CDH10: variants seen among roughly 807,000 people sequenced by gnomAD.
CDH10 encodes cadherin-10.
A neutral mutation model predicts 73.1 loss-of-function variants in CDH10; 30 were observed. The observed-to-expected ratio is 0.41, with a 90% confidence interval of 0.31 to 0.56. CDH10 has a LOEUF of 0.56. CDH10 is among the 20% of genes least tolerant of loss of function. The pLI, the probability that CDH10 is intolerant of heterozygous loss-of-function variation, is 0.27. For synonymous variants in CDH10, 345 were observed against 348.2 expected (o/e 0.99, Z 0.10); for missense variants, 815 against 973.7 (o/e 0.84, Z 2.17).
intron 1 of CDH10, among the ~76,000 whole-genome samples, chr5:24,608,937 C>T (rs1250755878): frequency 6.6e-6 from 1 of 152,176 alleles, no homozygotes; most frequent in African/African-American, 2.4e-5. Flanking sequence ...CCCCAATTAA[C>T]TTAACATTAT....
At chr5:24,573,664 G>A (rs1745483654) in intron 2 of CDH10, among the ~76,000 whole-genome samples, 1 of 145,668 alleles carries the variant, frequency 6.9e-6, no homozygotes, top group Admixed American at 6.9e-5. Flanking sequence ...TCGCGCCACT[G>A]CAGTCCAGCC....
At chr5:24,498,714 G>A (rs1255369822) in intron 8 of CDH10, among the ~76,000 whole-genome samples, 195 bp from the exon 9 acceptor site, 1 of 152,060 alleles carries the variant, frequency 6.6e-6, no homozygotes, top group African/African-American at 2.4e-5. Flanking sequence ...AGTTATTATT[G>A]GGCACAAGGG....
intron 2 of CDH10, among the ~76,000 whole-genome samples, chr5:24,544,604 T>C (rs144761204): frequency 7.9e-4 from 120 of 152,284 alleles, no homozygotes; most frequent in African/African-American, 2.7e-3. Flanking sequence ...GGGATTCCTC[T>C]TTCCCATTTA....
rs138669971 is a variant in CDH10 at position 24,545,021 on chromosome 5, C to T, written c.232-7347G>A. Among the ~76,000 whole-genome samples, 584 of 152,152 alleles carry T rather than the reference C, an allele frequency of 3.8e-3. 11 individuals are homozygous for T. Among genetic ancestry groups the T allele is most frequent in the East Asian group, 0.019 (100 of 5,174 alleles). On this transcript the variant is annotated intron_variant, in intron 2 of 11. Transcript: ENST00000264463. ...AATTTAAGTACTTAAGTTAACGAAC[C>T]CTCCTTCTAAGTTCTTAAGTGGTAT...
chr5:24,626,072 C>T (rs926358160), intron 1 of CDH10, among the ~76,000 whole-genome samples: 2 of 152,010 alleles, frequency 1.3e-5, no homozygotes, highest in Non-Finnish European at 2.9e-5. Context: ...GCTTATAATG[C>T]TTACAAAGTC....
intron 2 of CDH10, among the ~76,000 whole-genome samples, chr5:24,549,331 G>C (rs1744461566): frequency 2.0e-5 from 3 of 152,034 alleles, no homozygotes; most frequent in Admixed American, 6.6e-5. Flanking sequence ...ACTGGTGAAA[G>C]ATTACAGCCT....
intron 8 of CDH10, among the ~76,000 whole-genome samples, chr5:24,500,607 T>G (rs13358191): frequency 0.011 from 1,736 of 152,330 alleles, 37 homozygotes; most frequent in African/African-American, 0.039. Flanking sequence ...ACTCCACATA[T>G]TCAATGTCTT....
chr5:24,508,903 T>A (rs1742793937), intron 7 of CDH10, among the ~76,000 whole-genome samples: 1 of 152,200 alleles, frequency 6.6e-6, no homozygotes, highest in Non-Finnish European at 1.5e-5. Flanking sequence ...TTTGGTTGCA[T>A]GTAAACGCAG....
intron 1 of CDH10, among the ~76,000 whole-genome samples, chr5:24,623,102 T>C (rs575458095): frequency 6.6e-6 from 1 of 152,274 alleles, no homozygotes; most frequent in East Asian, 1.9e-4. Context: ...CACATTTCCT[T>C]TGTGTCATGC....
chr5:24,494,151 T>C (rs1467228252), intron 9 of CDH10, among the ~76,000 whole-genome samples: 2 of 151,554 alleles, frequency 1.3e-5, no homozygotes, highest in Non-Finnish European at 2.9e-5. Flanking sequence ...ATTTCAAAAG[T>C]ACATTTTAAA....
At chr5:24,505,075 A>C (rs1742656005) in intron 8 of CDH10, 37 bp downstream of exon 8, 1 of 1,376,402 alleles carries the variant, frequency 7.3e-7, no homozygotes, top group Admixed American at 1.8e-5. Flanking sequence ...ACATAAACAT[A>C]TCTAGATATA....
chr5:24,592,843 TAGA>T (rs1212990042), intron 2 of CDH10, among the ~76,000 whole-genome samples: 2 of 151,792 alleles, frequency 1.3e-5, no homozygotes, highest in Non-Finnish European at 2.9e-5. Flanking sequence ...TCTCGTTCTG[TAGA>T]AGATTAAACA....
chr5:24,545,165 T>C (rs1053525110), intron 2 of CDH10, among the ~76,000 whole-genome samples: 4 of 152,202 alleles, frequency 2.6e-5, no homozygotes, highest in Admixed American at 2.0e-4. Context: ...ACTCTTCTTA[T>C]ATTTTTGAAG....
At position 24,593,290 on chromosome 5, in the gene CDH10, A is replaced by G; in HGVS notation, c.201T>C (p.Tyr67=). The stretch of plus-strand genomic sequence containing the variant: ...CTACGTACTGATAATCAGATCCTGT[A>G]TATTCTTCAAGTAAGAAAAATTGAT... ...MWNQFFLLEE[Y]TGSDYQYVGK... is the part of the protein sequence containing the mutation. The change falls in exon 2 of 12, where the codon TAT becomes TAC. Residue 67 remains tyrosine, a synonymous_variant. Transcript: ENST00000264463. 6.2e-7 allele frequency: 1 copy of G among 1,607,976 alleles called. No individual in the cohort carries two copies.
At chr5:24,612,954 C>A (rs1036434267) in intron 1 of CDH10, 1 of 152,074 alleles carries the variant, frequency 6.6e-6, no homozygotes, top group Admixed American at 6.6e-5. Context: ...ATGCTATTTG[C>A]AACACATTGA....
intron 2 of CDH10, among the ~76,000 whole-genome samples, chr5:24,572,620 C>G (rs1200941593): frequency 6.7e-6 from 1 of 149,874 alleles, no homozygotes; most frequent in African/African-American, 2.5e-5. Context: ...TGGATCAGTT[C>G]TGGCAGAAAA....
At chr5:24,552,524 T>A (rs951176741) in intron 2 of CDH10, among the ~76,000 whole-genome samples, 6 of 152,032 alleles carry the variant, frequency 3.9e-5, no homozygotes, top group Admixed American at 6.6e-5. Context: ...CTATTGCTAA[T>A]CTTCTTTTTC....
intron 2 of CDH10, among the ~76,000 whole-genome samples, chr5:24,570,897 C>G (rs1745355823): frequency 6.6e-6 from 1 of 151,940 alleles, no homozygotes; most frequent in African/African-American, 2.4e-5. Flanking sequence ...CCCGGCTAGA[C>G]TCACTTCAGT....
intron 2 of CDH10, among the ~76,000 whole-genome samples, chr5:24,570,480 C>A (rs887958811): frequency 3.3e-5 from 5 of 151,956 alleles, no homozygotes; most frequent in Non-Finnish European, 7.4e-5. Context: ...CTCTAGAGAC[C>A]CCAGAAGGTG....
Sources: gnomAD v4.1 joint callset for allele counts (sites outside exome capture counted in the v4.1 genomes callset) on GRCh38, gnomAD v4.1.1 for gene constraint, MANE v1.5 for transcripts, NCBI Gene and HGNC (gene_info 2026-07-23, HGNC 2026-07-21) for gene names.